PRUNE2: variants seen among roughly 807,000 people sequenced by gnomAD.
The protein encoded by PRUNE2 is prune homolog 2 with BCH domain.
In PRUNE2, 164 loss-of-function variants were observed where a neutral mutation model predicts 252.0. The observed-to-expected ratio is 0.65, with a 90% CI of 0.57 to 0.74. The LOEUF (loss-of-function observed/expected upper bound fraction) is 0.74. Among genes scored for constraint, PRUNE2 ranks in the 30% least tolerant of loss-of-function variants. The pLI is 0.00. For synonymous variants in PRUNE2, 1,292 were observed against 1,350.2 expected (o/e 0.96, Z 0.94); for missense variants, 3,495 against 3,711.0 (o/e 0.94, Z 1.51).
At chr9:76,730,612 T>C (rs1564169789) in intron 6 of PRUNE2, among the ~76,000 whole-genome samples, 1 of 152,064 alleles carries the variant, frequency 6.6e-6, no homozygotes, top group Non-Finnish European at 1.5e-5. Flanking sequence ...AAATAAAAGA[T>C]GAAAGAGGGC....
At chr9:76,657,242 G>T (rs1282714902) in intron 9 of PRUNE2, among the ~76,000 whole-genome samples, 1 of 152,188 alleles carries the variant, frequency 6.6e-6, no homozygotes, top group African/African-American at 2.4e-5. Flanking sequence ...TTAAATCTTA[G>T]TTCTACCACT....
chr9:76,681,062 C>A (rs141364221), intron 9 of PRUNE2, among the ~76,000 whole-genome samples: 1 of 152,084 alleles, frequency 6.6e-6, no homozygotes, highest in Non-Finnish European at 1.5e-5. Context: ...TATGCATACA[C>A]GAAATATTAT....
In PRUNE2 at chr9:76,676,942, C is replaced by T. The variant is rs182814137; in HGVS notation, c.8277-21440G>A. 2.0e-5 allele frequency among the ~76,000 whole-genome samples: 3 copies of T among 152,344 alleles called. No individual in the cohort carries two copies. In the East Asian group the frequency reaches 5.8e-4, roughly 29 times the overall value. ...CATTATGGAGGTCCTGCTGTTCCCA[C>T]TGTCCACATGTCTATTATATTTGTT... On this transcript the variant is annotated intron_variant, in intron 9 of 18. Transcript: ENST00000376718.
rs530906317 is a variant in PRUNE2, at chr9:76,839,379, G to A, written c.508+7136C>T. On this transcript the variant is annotated intron_variant, in intron 4 of 18. Coordinates refer to ENST00000376718, the MANE Select transcript of PRUNE2 (RefSeq NM_015225.3). Reference sequence around the variant, plus strand: ...AAGCAAGAGGGAAGAGGAGGCTCCTGATAGGCAGAAAGAGAGATGACGAGA... The same window carrying A: ...AAGCAAGAGGGAAGAGGAGGCTCCTAATAGGCAGAAAGAGAGATGACGAGA... Among the ~76,000 whole-genome samples the A allele has an allele frequency of 2.6e-5, 4 of 152,300 alleles. No individual in the cohort carries two copies. In the South Asian group the frequency reaches 8.3e-4, roughly 32 times the overall value.
intron 6 of PRUNE2, chr9:76,823,254 CT>C (rs1267451049): frequency 0.015 from 2,222 of 143,706 alleles, 25 homozygotes; most frequent in African/African-American, 0.039. Context: ...TTTCTTTTTT[CT>C]TTTTTTTTTT....
At position 76,663,171 on chromosome 9, in the gene PRUNE2, A is replaced by G. The variant is rs753104236; in HGVS notation, c.8277-7669T>C. 5.4e-4 allele frequency among the ~76,000 whole-genome samples: 82 copies of G among 152,228 alleles called. 1 individual carries two copies. Among genetic ancestry groups the G allele is most frequent in the Non-Finnish European group, 8.7e-4 (59 of 68,036 alleles). ...GCTTCACACTTTGCCTAATCAAGCT[A>G]ATCCCAAGACAGGAAATGCTACAAT... On this transcript the variant is annotated intron_variant, in intron 9 of 18. Transcript: ENST00000376718.
chr9:76,844,695 G>C (rs1489264630), intron 4 of PRUNE2, among the ~76,000 whole-genome samples: 1 of 151,976 alleles, frequency 6.6e-6, no homozygotes, highest in Non-Finnish European at 1.5e-5. Context: ...TACCTCCCAG[G>C]GTTTAATGAC....
intron 9 of PRUNE2, among the ~76,000 whole-genome samples, chr9:76,666,328 C>A (rs898475037): frequency 5.3e-5 from 8 of 152,152 alleles, no homozygotes; most frequent in Admixed American, 4.6e-4. Flanking sequence ...TTGTGGAGGG[C>A]CTGACATCAG....
intron 9 of PRUNE2, among the ~76,000 whole-genome samples, chr9:76,680,230 A>G (rs1235810303): frequency 6.6e-6 from 1 of 152,258 alleles, no homozygotes. Flanking sequence ...GATGATATGC[A>G]AATGGCCAAC....
chr9:76,633,862 T>C (rs955522472), intron 15 of PRUNE2, among the ~76,000 whole-genome samples: 4 of 152,172 alleles, frequency 2.6e-5, no homozygotes, highest in African/African-American at 9.7e-5. Context: ...ATGCCTGTAA[T>C]CTCAGCACTT....
intron 4 of PRUNE2, among the ~76,000 whole-genome samples, chr9:76,841,799 C>G (rs1226723872): frequency 1.3e-5 from 2 of 152,138 alleles, no homozygotes; most frequent in African/African-American, 2.4e-5. Context: ...CAACCCCAGT[C>G]AGGGGCTTAT....
Position 76,705,132 on chromosome 9 carries a change from T to C in PRUNE2, c.7142A>G (p.Glu2381Gly). The C allele has an allele frequency of 6.2e-7, 1 of 1,613,954 alleles. No individual in the cohort carries two copies. Among genetic ancestry groups the C allele is most frequent in the Non-Finnish European group, 8.5e-7 (1 of 1,179,890 alleles). ...CAGCGACTGCTTCAGAGAATCTTCC[T>C]CCAAAGGAGGGTCACCACCATACAG... is the stretch of plus-strand genomic sequence containing the variant. ...HFLYGGDPPL[E>G]EDSLKQSLAP... is the part of the protein sequence containing the mutation. The change falls in exon 8 of 19, where the codon GAG becomes GGG. Residue 2381 changes from glutamate (E) to glycine (G), a missense_variant. Coordinates refer to ENST00000376718, the MANE Select transcript of PRUNE2 (RefSeq NM_015225.3).
At chr9:76,700,351 G>A (rs982522109) in intron 9 of PRUNE2, 1 of 152,106 alleles carries the variant, frequency 6.6e-6, no homozygotes, top group Non-Finnish European at 1.5e-5. Flanking sequence ...CTTGATTTTG[G>A]ATCTTCTGTT....
At chr9:76,691,284 G>A (rs2044696895) in intron 9 of PRUNE2, among the ~76,000 whole-genome samples, 1 of 152,198 alleles carries the variant, frequency 6.6e-6, no homozygotes, top group East Asian at 1.9e-4. Flanking sequence ...CACATGGCCA[G>A]TACCCTGATC....
intron 4 of PRUNE2, among the ~76,000 whole-genome samples, chr9:76,846,083 G>A (rs2059656842): frequency 1.3e-5 from 2 of 152,162 alleles, no homozygotes; most frequent in Admixed American, 6.5e-5. Flanking sequence ...CCAAAATGAA[G>A]GGTACGTATT....
chr9:76,706,155 G>T lies in PRUNE2; in HGVS notation c.6119C>A (p.Pro2040Gln). The change falls in exon 8 of 19, where the codon CCA (proline) becomes CAA (glutamine). Residue 2040 changes from proline to glutamine, a missense_variant. Coordinates refer to ENST00000376718, the MANE Select transcript of PRUNE2 (RefSeq NM_015225.3). ...KPGSEWDGST[P>Q]SEDSRGTFVP... ...AAAGGTACCTCGGGAGTCCTCACTT[G>T]GGGTAGAGCCATCCCATTCAGAGCC... 1 of 1,613,964 alleles carries T rather than the reference G, an allele frequency of 6.2e-7. No individual in the cohort carries two copies. The highest frequency in any genetic ancestry group is 8.5e-7 in the Non-Finnish European group (1 of 1,179,888).
At chr9:76,676,214 G>A (rs989542323) in intron 9 of PRUNE2, among the ~76,000 whole-genome samples, 4 of 148,048 alleles carry the variant, frequency 2.7e-5, no homozygotes, top group South Asian at 2.1e-4. Flanking sequence ...AATATGGCCC[G>A]ATATGAATTT....
chr9:76,623,703 G>A (rs1833436790), intron 17 of PRUNE2, among the ~76,000 whole-genome samples: 1 of 152,094 alleles, frequency 6.6e-6, no homozygotes, highest in South Asian at 2.1e-4. Context: ...ACAGTTTATT[G>A]CCCTGTTGTT....
chr9:76,724,824 G>A (rs969127412), intron 6 of PRUNE2, among the ~76,000 whole-genome samples: 2 of 152,296 alleles, frequency 1.3e-5, no homozygotes, highest in Admixed American at 6.5e-5. Context: ...TGCTTGGCAA[G>A]GAAAGGGCTA....
Sources: allele counts gnomAD v4.1 joint callset (sites outside exome capture counted in the v4.1 genomes callset), GRCh38; gene constraint gnomAD v4.1.1; transcripts MANE v1.5; gene names NCBI Gene and HGNC (gene_info 2026-07-23, HGNC 2026-07-21).